Variants in DRC1 observed in about 807,000 individuals in gnomAD.
DRC1 encodes dynein regulatory complex subunit 1, also known as dynein regulatory complex protein 1.
DRC1 carries 74 observed loss-of-function variants against 98.7 expected under a neutral mutation model. That is an observed-to-expected ratio of 0.75 (90% CI 0.62 to 0.91). DRC1 has a LOEUF of 0.91. DRC1 is among the 40% of genes least tolerant of loss of function. The pLI is 0.00. For synonymous variants in DRC1, 336 were observed against 334.1 expected, an observed-to-expected ratio of 1.01 and a Z score of -0.06; for missense variants, 875 against 886.0, an observed-to-expected ratio of 0.99 and a Z score of 0.16.
intron 8 of DRC1, among the ~76,000 whole-genome samples, chr2:26,443,347 C>G (rs559067360): frequency 6.6e-6 from 1 of 152,098 alleles, no homozygotes; most frequent in Non-Finnish European, 1.5e-5. Context: ...TTTTATGGGC[C>G]GAGTTTCCAT....
intron 4 of DRC1, among the ~76,000 whole-genome samples, chr2:26,426,272 A>G (rs969528952): frequency 5.9e-5 from 9 of 151,678 alleles, no homozygotes; most frequent in African/African-American, 2.2e-4. Flanking sequence ...GTAGGGGTTT[A>G]TTTCTGGGCT....
intron 2 of DRC1, among the ~76,000 whole-genome samples, chr2:26,414,991 A>G (rs1218899892): frequency 6.6e-6 from 1 of 152,002 alleles, no homozygotes; most frequent in African/African-American, 2.4e-5. Context: ...CACATTGAAT[A>G]CTTCCTGTCT....
rs184834199 is a variant in DRC1 at position 26,420,821 on chromosome 2, C to T, written c.244-467C>T. On this transcript the variant is annotated intron_variant, in intron 2 of 16. Transcript: ENST00000288710. ...CTTTGTTGCTCAGGCTGGAGTGTAG[C>T]GGCGTGACCTTGGCTCACTGTAACT... 2.7e-3 allele frequency among the ~76,000 whole-genome samples: 405 copies of T among 148,686 alleles called. 2 individuals are homozygous for T. The highest frequency in any genetic ancestry group is 9.5e-3 in the African/African-American group (381 of 40,102).
intron 16 of DRC1, among the ~76,000 whole-genome samples, chr2:26,455,653 T>C (rs1044622753): frequency 2.6e-5 from 4 of 152,104 alleles, no homozygotes; most frequent in Admixed American, 6.5e-5. Flanking sequence ...ACTTGCAGAG[T>C]TTGCAACTCG....
chr2:26,418,590 TATAATTTATATA>T (rs1678907129), intron 2 of DRC1, among the ~76,000 whole-genome samples: 1 of 98,218 alleles, frequency 1.0e-5, no homozygotes, highest in Non-Finnish European at 1.8e-5. Flanking sequence ...ATAAATTATA[TATAATTTATATA>T]ATATATAAAT....
Position 26,452,500 on chromosome 2 carries a change from T to G in DRC1, c.1690-820T>G, listed in dbSNP as rs1035952275. Among the ~76,000 whole-genome samples, 14 of 152,350 alleles carry G rather than the reference T, an allele frequency of 9.2e-5. No individual in the cohort carries two copies. In the East Asian group the frequency reaches 2.5e-3, roughly 27 times the overall value. On this transcript the variant is annotated intron_variant, in intron 13 of 16. Transcript: ENST00000288710. Reference sequence around the variant, plus strand: ...CTCTCGAACTCCTGACCTCAAATGATCTGCCCACCTTGGCCTCTGAAATTC... The same window carrying G: ...CTCTCGAACTCCTGACCTCAAATGAGCTGCCCACCTTGGCCTCTGAAATTC...
intron 7 of DRC1, among the ~76,000 whole-genome samples, chr2:26,439,922 A>ATATATATATATATATATATATATATATAT (rs1553342451): frequency 2.3e-5 from 1 of 43,454 alleles, no homozygotes; most frequent in Non-Finnish European, 6.1e-5. Context: ...CTAGTGTGTG[A>ATATATATATATATATATATATATATATAT]ATATATATAT....
chr2:26,430,112 C>A (rs373012988), intron 5 of DRC1, among the ~76,000 whole-genome samples: 1 of 151,952 alleles, frequency 6.6e-6, no homozygotes, highest in Non-Finnish European at 1.5e-5. Flanking sequence ...GAAAATAAGA[C>A]GAGCAAGAGG....
chr2:26,443,527 G>A (rs1663771590), intron 8 of DRC1, among the ~76,000 whole-genome samples: 2 of 152,134 alleles, frequency 1.3e-5, no homozygotes, highest in South Asian at 4.1e-4. Flanking sequence ...CTGGCACCCT[G>A]CATAAAACTC....
intron 4 of DRC1, among the ~76,000 whole-genome samples, chr2:26,427,929 A>G (rs1663328505): frequency 1.3e-5 from 2 of 152,238 alleles, no homozygotes; most frequent in Non-Finnish European, 2.9e-5. Flanking sequence ...ATGGCTGAAT[A>G]GTACTCCCTT....
chr2:26,450,171 A>C, intron 12 of DRC1, 86 bp downstream of exon 12: 1 of 1,346,880 alleles, frequency 7.4e-7, no homozygotes, highest in Non-Finnish European at 1.0e-6. Flanking sequence ...CAACCCTGGC[A>C]GTGGACGAGG....
chr2:26,409,920 A>T (rs1678546533), intron 1 of DRC1, among the ~76,000 whole-genome samples: 1 of 152,136 alleles, frequency 6.6e-6, no homozygotes, highest in African/African-American at 2.4e-5. Context: ...AGAAAAAAGC[A>T]CCTAAGAGGA....
Position 26,406,145 on chromosome 2 carries a change from C to T in DRC1, c.155+4001C>T, listed in dbSNP as rs1678418677. On this transcript the variant is annotated intron_variant, in intron 1 of 16. Transcript: ENST00000288710. ...TTAAAATATGTTATATTGAAGCTTA[C>T]ATATATATTATTAATAGCCAACAGT... Among the ~76,000 whole-genome samples, 4 of 152,266 alleles carry T rather than the reference C, an allele frequency of 2.6e-5. No homozygotes were observed. In the South Asian group the frequency reaches 8.3e-4, roughly 32 times the overall value.
At chr2:26,413,853 T>C (rs976629576) in intron 1 of DRC1, among the ~76,000 whole-genome samples, 2 of 152,066 alleles carry the variant, frequency 1.3e-5, no homozygotes, top group African/African-American at 4.8e-5. Context: ...GGGTTTTCTA[T>C]GCTAAGATTA....
At position 26,429,735 on chromosome 2, in the gene DRC1, A is replaced by G; in HGVS notation, c.648A>G (p.Lys216=). The G allele has an allele frequency of 6.2e-7, 1 of 1,614,068 alleles. No individual in the cohort carries two copies. Among genetic ancestry groups the G allele is most frequent in the Non-Finnish European group, 8.5e-7 (1 of 1,179,972 alleles). Residue 216 remains lysine, a synonymous_variant, in exon 5 of 17, where the codon AAA becomes AAG. Coordinates refer to ENST00000288710, the MANE Select transcript of DRC1 (RefSeq NM_145038.5). ...AAGAACAGGTGAAGAATGTGATGAA[A>G]ACCTTTCGTGAGGAGCTCTATAACA... The part of the protein sequence containing the change: ...RMEEQVKNVM[K]TFREELYNIE...
intron 4 of DRC1, 142 bp from the exon 5 acceptor site, chr2:26,429,486 G>T: frequency 1.8e-6 from 2 of 1,096,280 alleles, no homozygotes; most frequent in Middle Eastern, 2.2e-4. Context: ...GATTATAGGT[G>T]TGAGCCACTG....
intron 2 of DRC1, among the ~76,000 whole-genome samples, chr2:26,420,462 C>T (rs1350988192): frequency 3.9e-5 from 6 of 152,192 alleles, no homozygotes; most frequent in Admixed American, 3.9e-4. Flanking sequence ...CTTCGAAAGG[C>T]TCCCGGCAGT....
chr2:26,409,124 G>A (rs868316313), intron 1 of DRC1, among the ~76,000 whole-genome samples: 49 of 151,326 alleles, frequency 3.2e-4, no homozygotes, highest in African/African-American at 1.1e-3. Context: ...TAGAGATGGA[G>A]TCCTGCTATG....
At chr2:26,428,739 A>T (rs7598896) in intron 4 of DRC1, among the ~76,000 whole-genome samples, 1 of 151,636 alleles carries the variant, frequency 6.6e-6, no homozygotes, top group Non-Finnish European at 1.5e-5. Context: ...TGGAGCTTGC[A>T]GTGGGCCGAG....
Sources: gnomAD v4.1 joint callset for allele counts (sites outside exome capture counted in the v4.1 genomes callset) on GRCh38, gnomAD v4.1.1 for gene constraint, MANE v1.5 for transcripts, NCBI Gene and HGNC (gene_info 2026-07-23, HGNC 2026-07-21) for gene names.